ZNF93: variants seen among roughly 807,000 people sequenced by gnomAD.
ZNF93 encodes zinc finger protein 505.
Under a neutral mutation model 45.0 loss-of-function variants are expected in ZNF93, and 29 were observed. The observed-to-expected ratio is 0.64, with a 90% CI of 0.48 to 0.88. The LOEUF (loss-of-function observed/expected upper bound fraction) is 0.88. Among genes scored for constraint, ZNF93 ranks in the 40% least tolerant of loss-of-function variants. ZNF93 has a pLI of 0.00. For synonymous variants in ZNF93, 223 were observed against 244.6 expected, an observed-to-expected ratio of 0.91 and a Z score of 0.82; for missense variants, 578 against 724.0, an observed-to-expected ratio of 0.80 and a Z score of 2.31.
At chr19:19,924,536 G>A (rs984265868) in intron 3 of ZNF93, among the ~76,000 whole-genome samples, 7 of 151,954 alleles carry the variant, frequency 4.6e-5, no homozygotes, top group East Asian at 1.9e-4. Flanking sequence ...TTCATAAACC[G>A]ATTTTTGAAG....
intron 1 of ZNF93, among the ~76,000 whole-genome samples, chr19:19,913,913 C>T (rs1249130783): frequency 6.6e-6 from 1 of 152,198 alleles, no homozygotes; most frequent in Non-Finnish European, 1.5e-5. Flanking sequence ...GTTTAGTACT[C>T]ACAAACCTTT....
intron 3 of ZNF93, among the ~76,000 whole-genome samples, chr19:19,921,231 T>C (rs1180639549): frequency 6.6e-6 from 1 of 152,218 alleles, no homozygotes; most frequent in East Asian, 1.9e-4. Context: ...GGTTGTTCAG[T>C]TTCCATGTAG....
At chr19:19,901,585 C>G (rs1206059185) in intron 1 of ZNF93, among the ~76,000 whole-genome samples, 4 of 152,014 alleles carry the variant, frequency 2.6e-5, no homozygotes, top group Non-Finnish European at 5.9e-5. Context: ...AGCTAAGTTC[C>G]TCTTCAGAGA....
intron 3 of ZNF93, among the ~76,000 whole-genome samples, chr19:19,925,912 T>G (rs756239020): frequency 1.3e-5 from 2 of 152,116 alleles, no homozygotes; most frequent in Admixed American, 6.6e-5. Flanking sequence ...AAAGTAACTC[T>G]AGGTTCTTTT....
rs559188888 is a variant in ZNF93, at chr19:19,915,349, C to G, written c.73C>G (p.Gln25Glu). 1.2e-6 allele frequency: 2 copies of G among 1,614,078 alleles called. No homozygotes were observed. The highest frequency in any genetic ancestry group is 2.7e-5 in the African/African-American group (2 of 75,030). Residue 25 changes from glutamine to glutamate, a missense_variant, in exon 2 of 4, where the codon CAG becomes GAG. By Grantham distance (29) the Gln-to-Glu change is conservative. Coordinates refer to ENST00000343769, the MANE Select transcript of ZNF93 (RefSeq NM_031218.4). ...GGAGTGGCATTGCCTGGACACTGCA[C>G]AGCGGAATCTATATAGGAATGTGAT... Reference protein sequence around the residue: ...LEEWHCLDTAQRNLYRNVMLE... With the variant: ...LEEWHCLDTAERNLYRNVMLE...
intron 1 of ZNF93, among the ~76,000 whole-genome samples, chr19:19,901,483 A>G (rs906365562): frequency 6.6e-6 from 1 of 151,984 alleles, no homozygotes; most frequent in Non-Finnish European, 1.5e-5. Context: ...CTCCTATTAA[A>G]AATTTATGGG....
At chr19:19,902,894 G>A (rs2063279058) in intron 1 of ZNF93, among the ~76,000 whole-genome samples, 1 of 151,686 alleles carries the variant, frequency 6.6e-6, no homozygotes, top group South Asian at 2.1e-4. Flanking sequence ...CCACCACCAC[G>A]CCCGGCTAAT....
Position 19,921,412 on chromosome 19 carries a change from T to C in ZNF93, c.226+4757T>C, listed in dbSNP as rs572574159. 5.3e-3 allele frequency among the ~76,000 whole-genome samples: 813 copies of C among 152,344 alleles called. 9 individuals are homozygous for C. Among genetic ancestry groups the C allele is most frequent in the African/African-American group, 0.019 (779 of 41,560 alleles). ...GCAGTGTGGTGCTGAGAAGAATGTATATTCTGTTGATTTGGGGTGGAGAGT... is the reference window on the plus strand; with the variant it reads ...GCAGTGTGGTGCTGAGAAGAATGTACATTCTGTTGATTTGGGGTGGAGAGT... On this transcript the variant is annotated intron_variant, in intron 3 of 3. Transcript: ENST00000343769.
chr19:19,928,560 T>C (rs1201994385), intron 3 of ZNF93, among the ~76,000 whole-genome samples: 1 of 152,236 alleles, frequency 6.6e-6, no homozygotes, highest in Non-Finnish European at 1.5e-5. Flanking sequence ...AAGATCTTAC[T>C]GTCACCCAGG....
rs139429304 is a variant in ZNF93, at chr19:19,923,720, C to T, written c.226+7065C>T. Among the ~76,000 whole-genome samples, 7 of 152,300 alleles carry T rather than the reference C, an allele frequency of 4.6e-5. No homozygotes were observed. The South Asian group carries it at 1.2e-3, about 27-fold the overall frequency. ...TGGGTGTAGGACCCTCTGAGCCAGGCATGGGATATAATCTCCTGGTTTGCC... is the reference window on the plus strand; with the variant it reads ...TGGGTGTAGGACCCTCTGAGCCAGGTATGGGATATAATCTCCTGGTTTGCC... On this transcript the variant is annotated intron_variant, in intron 3 of 3. Transcript: ENST00000343769.
At chr19:19,922,265 A>T (rs1324487877) in intron 3 of ZNF93, among the ~76,000 whole-genome samples, 1 of 152,196 alleles carries the variant, frequency 6.6e-6, no homozygotes, top group Non-Finnish European at 1.5e-5. Context: ...AATGTTGAAT[A>T]TTGGCCCCCA....
In ZNF93 at chr19:19,916,626, A is replaced by G. The variant is rs2063325004; in HGVS notation, c.197A>G (p.Lys66Arg). The G allele has an allele frequency of 6.2e-7, 1 of 1,611,830 alleles. No homozygotes were observed. The highest frequency in any genetic ancestry group is 8.5e-7 in the Non-Finnish European group (1 of 1,179,224). ...LEQGKKPLTM[K>R]RHEMVANPSV... ...CAAGGAAAAAAACCTTTGACTATGA[A>G]GAGACATGAGATGGTAGCCAACCCC... The change falls in exon 3 of 4, where the codon AAG becomes AGG. Residue 66 changes from lysine to arginine, a missense_variant. By Grantham distance (26) the Lys-to-Arg change is conservative. This residue lies in a region of ZNF93 where 446 missense variants were observed against 547.6 expected (regional missense o/e 0.81). Transcript: ENST00000343769.
intron 1 of ZNF93, among the ~76,000 whole-genome samples, chr19:19,905,509 C>T (rs1228535291): frequency 6.6e-6 from 1 of 152,128 alleles, no homozygotes; most frequent in Non-Finnish European, 1.5e-5. Flanking sequence ...TAATGGTCTC[C>T]AGCTTCATCA....
At chr19:19,932,244 T>C (rs886107326) in intron 3 of ZNF93, 1 of 156,002 alleles carries the variant, frequency 6.4e-6, no homozygotes, top group African/African-American at 2.4e-5. Context: ...CATCTCAAAA[T>C]ATATATATAT....
Position 19,915,270 on chromosome 19 carries a change from T to A in ZNF93, c.4-10T>A, listed in dbSNP as rs374697163. Reference sequence around the variant, plus strand: ...GCCACTTGGTGAAAATGTGTGTGTGTGTTTTTCAGGGACCATTGCAATTTA... The same window carrying A: ...GCCACTTGGTGAAAATGTGTGTGTGAGTTTTTCAGGGACCATTGCAATTTA... On this transcript the variant is annotated splice_polypyrimidine_tract_variant and intron_variant, in intron 1 of 3. Transcript: ENST00000343769. The A allele has an allele frequency of 5.0e-6, 8 of 1,613,566 alleles. No homozygotes were observed. The highest frequency in any genetic ancestry group is 6.8e-6 in the Non-Finnish European group (8 of 1,179,740).
chr19:19,918,057 C>T (rs912423915), intron 3 of ZNF93, among the ~76,000 whole-genome samples: 10 of 151,644 alleles, frequency 6.6e-5, no homozygotes, highest in African/African-American at 1.7e-4. Flanking sequence ...CCCATTAAGT[C>T]GTCATTTACA....
chr19:19,916,644 C>T lies in ZNF93; in HGVS notation c.215C>T (p.Ala72Val). The T allele has an allele frequency of 1.2e-6, 2 of 1,609,122 alleles. No individual in the cohort carries two copies. The highest frequency in any genetic ancestry group is 1.3e-5 in the African/African-American group (1 of 74,704). Residue 72 changes from alanine (A) to valine (V), a missense_variant, in exon 3 of 4, where the codon GCC becomes GTC. Around this residue, in one of 3 missense-constraint regions of ZNF93, gnomAD observed 446 missense variants for 547.6 expected, o/e 0.81. Transcript: ENST00000343769. The stretch of plus-strand genomic sequence containing the variant: ...ACTATGAAGAGACATGAGATGGTAG[C>T]CAACCCCTCAGGTAGGTGTGAGTGA... ...PLTMKRHEMV[A>V]NPSVICSHFA...
chr19:19,933,109 A>G, intron 3 of ZNF93, 73 bp from the exon 4 acceptor site: 12 of 1,160,974 alleles, frequency 1.0e-5, no homozygotes, highest in Non-Finnish European at 1.4e-5. Context: ...GTATAATTTT[A>G]TAGGTTAGAT....
intron 1 of ZNF93, among the ~76,000 whole-genome samples, chr19:19,914,032 TTC>T (rs34814866): frequency 0.19 from 29,143 of 152,060 alleles, 5,793 homozygotes; most frequent in African/African-American, 0.5. Flanking sequence ...TCCCACAGAC[TTC>T]TCTACATTCT....
Sources: allele counts gnomAD v4.1 joint callset (sites outside exome capture counted in the v4.1 genomes callset), GRCh38; gene constraint gnomAD v4.1.1; regional missense constraint gnomAD v4.1.1; transcripts MANE v1.5; gene names NCBI Gene and HGNC (gene_info 2026-07-23, HGNC 2026-07-21).